The following GPR39 variants were observed in gnomAD, a reference collection of about 807,000 sequenced individuals.
GPR39 encodes zinc sensing receptor.
In GPR39, 23 loss-of-function variants were observed where a neutral mutation model predicts 18.4. That is an observed-to-expected ratio of 1.25 (90% confidence interval 0.90 to 1.77). GPR39 has a LOEUF of 1.77. Ranked by LOEUF, GPR39 falls within the 40% of genes most tolerant of loss-of-function variation. The pLI is 0.00. For missense variants in GPR39, 647 were observed against 602.4 expected, an observed-to-expected ratio of 1.07 and a Z score of -0.78; for synonymous variants, 280 against 257.9, an observed-to-expected ratio of 1.09 and a Z score of -0.82.
At chr2:132,518,366 C>G (rs60375050) in intron 1 of GPR39, among the ~76,000 whole-genome samples, 2,453 of 152,276 alleles carry the variant, frequency 0.016, 64 homozygotes, top group African/African-American at 0.056. Flanking sequence ...CTCACAGCTA[C>G]TAATGAGCAA....
intron 1 of GPR39, among the ~76,000 whole-genome samples, chr2:132,575,262 T>C (rs1188977156): frequency 6.6e-6 from 1 of 152,230 alleles, no homozygotes; most frequent in Non-Finnish European, 1.5e-5. Flanking sequence ...AATCCATTGA[T>C]TTTATGCTTA....
intron 1 of GPR39, among the ~76,000 whole-genome samples, chr2:132,464,349 A>T (rs577726858): frequency 1.1e-4 from 16 of 152,326 alleles, no homozygotes; most frequent in African/African-American, 3.8e-4. Context: ...GCTCGTGTGC[A>T]GGATTGGCCT....
At chr2:132,530,257 G>A (rs1679590365) in intron 1 of GPR39, among the ~76,000 whole-genome samples, 2 of 152,140 alleles carry the variant, frequency 1.3e-5, no homozygotes, top group South Asian at 4.2e-4. Flanking sequence ...GGGTATCAGT[G>A]ATGGAAGATG....
At chr2:132,489,732 T>A (rs989174136) in intron 1 of GPR39, among the ~76,000 whole-genome samples, 17 of 152,000 alleles carry the variant, frequency 1.1e-4, no homozygotes, top group Admixed American at 5.2e-4. Context: ...TCCTTTTATA[T>A]ATGCACTGCA....
intron 1 of GPR39, among the ~76,000 whole-genome samples, chr2:132,587,881 C>T (rs1680759950): frequency 6.6e-6 from 1 of 152,120 alleles, no homozygotes; most frequent in Admixed American, 6.5e-5. Context: ...TTTCCATGGC[C>T]ATGTACTTTC....
chr2:132,608,036 G>A (rs72841247), intron 1 of GPR39, among the ~76,000 whole-genome samples: 26,224 of 151,904 alleles, frequency 0.17, 2,369 homozygotes, highest in Admixed American at 0.22. Flanking sequence ...ATGATACTGA[G>A]TTCCATGCAA....
chr2:132,454,369 A>G (rs1374918284), intron 1 of GPR39, among the ~76,000 whole-genome samples: 1 of 152,224 alleles, frequency 6.6e-6, no homozygotes, highest in Non-Finnish European at 1.5e-5. Context: ...TATCAGATTA[A>G]GGAGATTTTG....
At chr2:132,573,421 G>A (rs940499161) in intron 1 of GPR39, among the ~76,000 whole-genome samples, 2 of 152,114 alleles carry the variant, frequency 1.3e-5, no homozygotes, top group Non-Finnish European at 1.5e-5. Context: ...GGAAAGAGGG[G>A]CAAGGAGAGG....
chr2:132,495,712 A>G (rs553541266), intron 1 of GPR39, among the ~76,000 whole-genome samples: 5 of 152,284 alleles, frequency 3.3e-5, no homozygotes, highest in African/African-American at 1.2e-4. Flanking sequence ...CCTCTGGAGA[A>G]GCAGTCTTGG....
At chr2:132,477,582 G>T (rs1243308936) in intron 1 of GPR39, among the ~76,000 whole-genome samples, 3 of 152,060 alleles carry the variant, frequency 2.0e-5, no homozygotes, top group African/African-American at 7.2e-5. Flanking sequence ...AAGAGCCAAG[G>T]CTCTGTCTCA....
intron 1 of GPR39, among the ~76,000 whole-genome samples, chr2:132,595,365 G>A (rs199763639): frequency 8.3e-6 from 1 of 120,540 alleles, no homozygotes; most frequent in African/African-American, 3.2e-5. Flanking sequence ...CATACCTCAT[G>A]CAGTTAGTTT....
At chr2:132,479,460 G>T (rs1681190741) in intron 1 of GPR39, among the ~76,000 whole-genome samples, 1 of 152,154 alleles carries the variant, frequency 6.6e-6, no homozygotes, top group Non-Finnish European at 1.5e-5. Flanking sequence ...TAATTGGGCT[G>T]GTATGGAGGA....
chr2:132,617,737 C>T (rs80037749), intron 1 of GPR39, among the ~76,000 whole-genome samples: 1,890 of 152,226 alleles, frequency 0.012, 44 homozygotes, highest in African/African-American at 0.043. Flanking sequence ...TATTTAAATA[C>T]TTGTGAAAAT....
At chr2:132,441,134 A>G (rs944564423) in intron 1 of GPR39, among the ~76,000 whole-genome samples, 1 of 152,174 alleles carries the variant, frequency 6.6e-6, no homozygotes, top group Non-Finnish European at 1.5e-5. Flanking sequence ...GTATAGTTAC[A>G]TGCCTGTTAT....
Position 132,427,889 on chromosome 2 carries a change from A to AAT in GPR39, c.856+10001_856+10002dup, listed in dbSNP as rs1553446902. On this transcript the variant is annotated intron_variant, in intron 1 of 1. Transcript: ENST00000329321. ...TAAGCTGTACTTCATATATATATAT[A>AAT]ATATATATATAATATAAAATTATAT... 4.8e-4 allele frequency among the ~76,000 whole-genome samples: 69 copies of AAT among 142,276 alleles called. 2 individuals carry two copies. In the Middle Eastern group the frequency reaches 0.011, roughly 23 times the overall value. 93.3% of individuals were successfully genotyped at this position (142,276 alleles called of 152,430 possible).
At chr2:132,490,346 T>A (rs1681432590) in intron 1 of GPR39, among the ~76,000 whole-genome samples, 1 of 151,964 alleles carries the variant, frequency 6.6e-6, no homozygotes, top group East Asian at 1.9e-4. Flanking sequence ...TCTAAAGAAA[T>A]CCAGTTTTCT....
chr2:132,431,250 A>G (rs1200350672), intron 1 of GPR39, among the ~76,000 whole-genome samples: 1 of 152,200 alleles, frequency 6.6e-6, no homozygotes, highest in East Asian at 1.9e-4. Context: ...TGCAACACCT[A>G]TTTCTAGAAT....
chr2:132,559,507 C>T (rs143633800), intron 1 of GPR39, among the ~76,000 whole-genome samples: 8 of 152,134 alleles, frequency 5.3e-5, no homozygotes, highest in East Asian at 3.9e-4. Context: ...ACTGACTTCA[C>T]GTGTCAGTGC....
chr2:132,465,359 C>A (rs1680909517), intron 1 of GPR39, among the ~76,000 whole-genome samples: 3 of 152,150 alleles, frequency 2.0e-5, no homozygotes, highest in Non-Finnish European at 4.4e-5. Context: ...AACTCTGGGG[C>A]CTGTAACTAC....
Sources: gnomAD v4.1 joint callset for allele counts (sites outside exome capture counted in the v4.1 genomes callset) on GRCh38, gnomAD v4.1.1 for gene constraint, MANE v1.5 for transcripts, NCBI Gene and HGNC (gene_info 2026-07-23, HGNC 2026-07-21) for gene names.